DCLK2: variants seen among roughly 807,000 people sequenced by gnomAD.
DCLK2 encodes the protein doublecortin like kinase 2, also known as serine/threonine-protein kinase DCLK2.
A neutral mutation model predicts 78.4 loss-of-function variants in DCLK2; 31 were observed. The observed-to-expected ratio is 0.40, with a 90% CI of 0.30 to 0.53. The LOEUF (loss-of-function observed/expected upper bound fraction) is 0.53. Ranked by LOEUF, DCLK2 falls within the 20% of genes least tolerant of loss-of-function variation. The pLI, the probability that DCLK2 is intolerant of heterozygous loss-of-function variation, is 0.61. For synonymous variants in DCLK2, 407 were observed against 374.9 expected (o/e 1.09, Z -0.99); for missense variants, 872 against 973.7 (o/e 0.90, Z 1.39).
At chr4:150,137,124 C>T (rs553172034) in intron 2 of DCLK2, among the ~76,000 whole-genome samples, 15 of 151,590 alleles carry the variant, frequency 9.9e-5, no homozygotes, top group African/African-American at 3.4e-4. Context: ...TGAGACTATG[C>T]GTGGGCCACC....
At chr4:150,148,304 G>A (rs186902652) in intron 2 of DCLK2, among the ~76,000 whole-genome samples, 32 of 152,250 alleles carry the variant, frequency 2.1e-4, no homozygotes, top group African/African-American at 7.5e-4. Flanking sequence ...GGTTGAGGCT[G>A]TAGTGAGCTG....
At chr4:150,243,144 A>G (rs188850625) in intron 12 of DCLK2, among the ~76,000 whole-genome samples, 1 of 152,164 alleles carries the variant, frequency 6.6e-6, no homozygotes, top group Non-Finnish European at 1.5e-5. Context: ...GTGAGACTCA[A>G]ATTGAAGAGG....
chr4:150,244,977 A>AG (rs1285314550), intron 12 of DCLK2, among the ~76,000 whole-genome samples: 1 of 151,068 alleles, frequency 6.6e-6, no homozygotes, highest in Non-Finnish European at 1.5e-5. Flanking sequence ...AGAAAAAATA[A>AG]GGGGGAGTTG....
chr4:150,243,996 G>A (rs1046709348), intron 12 of DCLK2, among the ~76,000 whole-genome samples: 2 of 151,540 alleles, frequency 1.3e-5, no homozygotes, highest in African/African-American at 4.9e-5. Flanking sequence ...GTGTAGTGGT[G>A]CAATCATAGC....
At chr4:150,132,059 G>C (rs1246675819) in intron 2 of DCLK2, among the ~76,000 whole-genome samples, 1 of 152,170 alleles carries the variant, frequency 6.6e-6, no homozygotes, top group African/African-American at 2.4e-5. Flanking sequence ...AGGATAAGCT[G>C]TGGTATCCTT....
intron 8 of DCLK2, among the ~76,000 whole-genome samples, chr4:150,226,857 G>GA (rs1328619039): frequency 6.6e-6 from 1 of 151,944 alleles, no homozygotes; most frequent in Admixed American, 6.6e-5. Flanking sequence ...TTTATTTTTA[G>GA]AAAAAAATTA....
intron 3 of DCLK2, among the ~76,000 whole-genome samples, chr4:150,193,949 G>T (rs963730032): frequency 6.7e-6 from 1 of 150,138 alleles, no homozygotes; most frequent in Admixed American, 6.7e-5. Context: ...ACAGGGTCTT[G>T]CTATGTTGCC....
intron 1 of DCLK2, among the ~76,000 whole-genome samples, chr4:150,081,619 T>A (rs1729283625): frequency 6.6e-6 from 1 of 152,144 alleles, no homozygotes. Context: ...CATATGGAAC[T>A]CTCTCTGACA....
intron 2 of DCLK2, among the ~76,000 whole-genome samples, chr4:150,104,696 T>G (rs1005243380): frequency 6.6e-6 from 1 of 152,046 alleles, no homozygotes; most frequent in Non-Finnish European, 1.5e-5. Context: ...CAAACAGATG[T>G]TGCAAAGGCC....
At position 150,232,349 on chromosome 4, in the gene DCLK2, G is replaced by A; in HGVS notation, c.1312G>A (p.Glu438Lys). 1 of 1,613,974 alleles carries A rather than the reference G, an allele frequency of 6.2e-7. No individual in the cohort carries two copies. The highest frequency in any genetic ancestry group is 8.5e-7 in the Non-Finnish European group (1 of 1,179,960). ...AKCCGKEHLI[E>K]NEVSILRRVK... ...GTTCATTTGACAGGAACACCTGATT[G>A]AGAATGAAGTGTCAATACTGCGCCG... Residue 438 changes from glutamate (E) to lysine (K), a missense_variant, in exon 9 of 16, where the codon GAG becomes AAG. This residue lies in a region of DCLK2 where 567 missense variants were observed against 593.4 expected (regional missense o/e 0.96). Transcript: ENST00000296550.
chr4:150,193,111 T>C (rs375263912), intron 2 of DCLK2, 27 bp from the exon 3 acceptor site: 1 of 1,405,474 alleles, frequency 7.1e-7, no homozygotes, highest in Non-Finnish European at 1.0e-6. Flanking sequence ...GTCTAATTTA[T>C]TTCTTGGACA....
At chr4:150,253,434 A>T (rs1398545850) in intron 15 of DCLK2, 1 of 1,289,676 alleles carries the variant, frequency 7.8e-7, no homozygotes, top group Non-Finnish European at 1.0e-6. Flanking sequence ...AGGTGAAAAA[A>T]AAGTAAAGTT....
At chr4:150,246,817 C>T (rs529414245) in intron 12 of DCLK2, among the ~76,000 whole-genome samples, 64 of 152,074 alleles carry the variant, frequency 4.2e-4, no homozygotes, top group Admixed American at 5.2e-4. Context: ...AGTGCACCTC[C>T]GAGGGTGGGT....
intron 2 of DCLK2, among the ~76,000 whole-genome samples, chr4:150,138,959 T>C (rs908192331): frequency 9.2e-5 from 14 of 151,402 alleles, no homozygotes; most frequent in East Asian, 3.9e-4. Flanking sequence ...CCACGGCGCC[T>C]GGCCCATTTT....
intron 10 of DCLK2, among the ~76,000 whole-genome samples, chr4:150,236,801 C>T (rs1742544548): frequency 6.6e-6 from 1 of 152,176 alleles, no homozygotes; most frequent in African/African-American, 2.4e-5. Context: ...TGACTTCAGG[C>T]TTGTCTACCC....
chr4:150,106,447 T>C (rs1240015620), intron 2 of DCLK2, among the ~76,000 whole-genome samples: 1 of 152,214 alleles, frequency 6.6e-6, no homozygotes, highest in Non-Finnish European at 1.5e-5. Context: ...AAAGGACACC[T>C]TTCCTTAGAT....
chr4:150,109,558 C>A (rs1054132535), intron 2 of DCLK2, among the ~76,000 whole-genome samples: 1 of 152,116 alleles, frequency 6.6e-6, no homozygotes, highest in South Asian at 2.1e-4. Context: ...AGGATAGCCT[C>A]GATCTCCTGA....
At chr4:150,154,751 A>T (rs910757664) in intron 2 of DCLK2, among the ~76,000 whole-genome samples, 14 of 152,168 alleles carry the variant, frequency 9.2e-5, no homozygotes, top group Admixed American at 2.0e-4. Context: ...CTTATTTTTT[A>T]AAAATTTTAC....
In DCLK2 at chr4:150,166,207, C is replaced by T. The variant is rs117867196; in HGVS notation, c.757-26931C>T. Among the ~76,000 whole-genome samples the T allele has an allele frequency of 4.5e-4, 68 of 152,206 alleles. No homozygotes were observed. In the East Asian group the frequency reaches 0.013, roughly 29 times the overall value. ...ACAGAAGTTATTTAAAAATCTAACA[C>T]GGCCAGGAATGGTAGCTCACACCTG... On this transcript the variant is annotated intron_variant, in intron 2 of 15. Transcript: ENST00000296550.
Sources: gnomAD v4.1 joint callset for allele counts (sites outside exome capture counted in the v4.1 genomes callset) on GRCh38, gnomAD v4.1.1 for gene constraint, gnomAD v4.1.1 regional missense constraint, MANE v1.5 for transcripts, NCBI Gene and HGNC (gene_info 2026-07-23, HGNC 2026-07-21) for gene names.